The following OR7A17 variants were observed in gnomAD, a reference collection of about 807,000 sequenced individuals.
OR7A17 encodes olfactory receptor 7A17.
For missense variants in OR7A17, 366 were observed against 365.5 expected (o/e 1.00, Z -0.01); for synonymous variants, 159 against 142.1 (o/e 1.12, Z -0.85).
At chr19:14,883,420 A>G (rs1414438991) in intron 1 of OR7A17, among the ~76,000 whole-genome samples, 1 of 152,126 alleles carries the variant, frequency 6.6e-6, no homozygotes, top group Non-Finnish European at 1.5e-5. Flanking sequence ...AGCCTGGGCA[A>G]CAAGAGCGAA....
rs1449786045 is a variant in OR7A17, at chr19:14,878,451, A to C, written c.*1975T>G. On this transcript the variant is annotated 3_prime_UTR_variant, in exon 3 of 3. Coordinates refer to ENST00000641113, the MANE Select transcript of OR7A17 (RefSeq NM_030901.2). Reference sequence around the variant, plus strand: ...TCACTTACCTACATTTTAATGGCTAAGACACAATATTTTAAAAGGAAGATT... The same window carrying C: ...TCACTTACCTACATTTTAATGGCTACGACACAATATTTTAAAAGGAAGATT... 1 of 152,250 alleles carries C rather than the reference A, an allele frequency of 6.6e-6. No individual in the cohort carries two copies. The highest frequency in any genetic ancestry group is 1.5e-5 in the Non-Finnish European group (1 of 68,046). The allele number at this position is 152,250 out of a possible 1,614,324, so 9.4% of individuals were successfully genotyped here. A position where few individuals can be genotyped will look rare whatever the true frequency, so the allele number is the denominator to read the frequency against.
Position 14,880,708 on chromosome 19 carries a change from G to A in OR7A17, c.648C>T (p.Cys216=), listed in dbSNP as rs1486813427. 5 of 1,614,102 alleles carry A rather than the reference G, an allele frequency of 3.1e-6. No homozygotes were observed. In the African/African-American group the frequency reaches 5.3e-5, roughly 17 times the overall value. ...TGGAGGAAACTATCTTAGAGTAAGA[G>A]CAAAGGATCCCCACAAGGGGACCAC... ...LAGGPLVGIL[C]SYSKIVSSIR... is the part of the protein sequence containing the mutation. Residue 216 remains cysteine, a synonymous_variant, in exon 3 of 3, where the codon TGC becomes TGT. Coordinates refer to ENST00000641113, the MANE Select transcript of OR7A17 (RefSeq NM_030901.2).
Position 14,880,209 on chromosome 19 carries a change from C to CAAAAA in OR7A17, c.*212_*216dup, listed in dbSNP as rs3030635. 1.5e-4 allele frequency: 25 copies of CAAAAA among 172,164 alleles called. No homozygotes were observed. The highest frequency in any genetic ancestry group is 4.0e-4 in the East Asian group (3 of 7,412). The allele number at this position is 172,164 out of a possible 1,614,324, so 10.7% of individuals were successfully genotyped here. ...AAACATTGGGAAAGTAGGAAAATGA[C>CAAAAA]AAAAAAAAAAAAAAAAAAAAGATTG... On this transcript the variant is annotated 3_prime_UTR_variant, in exon 3 of 3. Coordinates refer to ENST00000641113, the MANE Select transcript of OR7A17 (RefSeq NM_030901.2).
Position 14,884,267 on chromosome 19 carries a change from C to G in OR7A17, c.-295+1674G>C, listed in dbSNP as rs542277208. On this transcript the variant is annotated intron_variant, in intron 1 of 2. Transcript: ENST00000641113. ...AAATAAAAGTTAAAACTTTTTATGA[C>G]CAAAAATGTTTCCTTAAATATTTCA... 1.5e-4 allele frequency among the ~76,000 whole-genome samples: 23 copies of G among 151,994 alleles called. No individual in the cohort carries two copies. In the East Asian group the frequency reaches 4.4e-3, roughly 29 times the overall value.
chr19:14,884,341 C>T lies in OR7A17; in HGVS notation c.-295+1600G>A, dbSNP rs190207179. 3.4e-4 allele frequency among the ~76,000 whole-genome samples: 52 copies of T among 152,212 alleles called. No individual in the cohort carries two copies. The East Asian group carries it at 8.7e-3, about 25-fold the overall frequency. On this transcript the variant is annotated intron_variant, in intron 1 of 2. Transcript: ENST00000641113. ...TATAATTGGATCACAGCTGTAATCCCAGTGCTTTGGGAGGCTGAGTAGGGA... is the reference window on the plus strand; with the variant it reads ...TATAATTGGATCACAGCTGTAATCCTAGTGCTTTGGGAGGCTGAGTAGGGA...
In OR7A17 at chr19:14,881,174, A is replaced by T; in HGVS notation, c.182T>A (p.Phe61Tyr). 6.2e-7 allele frequency: 1 copy of T among 1,614,042 alleles called. No individual in the cohort carries two copies. Among genetic ancestry groups the T allele is most frequent in the Middle Eastern group, 1.6e-4 (1 of 6,062 alleles). The change falls in exon 3 of 3, where the codon TTC becomes TAC. Residue 61 changes from phenylalanine to tyrosine, a missense_variant. Physicochemically the swap from Phe to Tyr is conservative, Grantham distance 22. Coordinates refer to ENST00000641113, the MANE Select transcript of OR7A17 (RefSeq NM_030901.2). ...TGCAAAGGACAGGTTGGAGAGGAAGAAGTACATGGGGGTGTGGAGGTGGGA... is the reference window on the plus strand; with the variant it reads ...TGCAAAGGACAGGTTGGAGAGGAAGTAGTACATGGGGGTGTGGAGGTGGGA... ...SDSHLHTPMY[F>Y]FLSNLSFADI... is the part of the protein sequence containing the mutation.
intron 1 of OR7A17, among the ~76,000 whole-genome samples, chr19:14,884,207 GA>G (rs1000736671): frequency 2.0e-5 from 3 of 151,658 alleles, no homozygotes; most frequent in Admixed American, 6.6e-5. Context: ...ACTAACGCAA[GA>G]AAAAAAACTA....
In OR7A17 at chr19:14,880,549, G is replaced by A. The variant is rs79629948; in HGVS notation, c.807C>T (p.His269=). 7.0e-4 allele frequency: 1,132 copies of A among 1,614,172 alleles called. 10 individuals carry two copies. In the African/African-American group the frequency reaches 0.013, roughly 19 times the overall value. ...YLTSAATHNS[H]TSATASVMYT... ...ACATCACTGAGGCTGTTGCACTTGT[G>A]TGTGAGTTGTGGGTTGCAGCAGAAG... is the stretch of plus-strand genomic sequence containing the variant. The change falls in exon 3 of 3, where the codon CAC becomes CAT. Residue 269 remains histidine (H), a synonymous_variant. Transcript: ENST00000641113.
chr19:14,881,016 G>C lies in OR7A17; in HGVS notation c.340C>G (p.Leu114Val), dbSNP rs747994242. The part of the protein sequence containing the change: ...FVLFGGLDSL[L>V]LAVMAYDRFV... Reference sequence around the variant, plus strand: ...CGATCATAGGCCATCACAGCCAGGAGTAAGCTGTCTAACCCTCCAAAAAGT... The same window carrying C: ...CGATCATAGGCCATCACAGCCAGGACTAAGCTGTCTAACCCTCCAAAAAGT... Residue 114 changes from leucine (L) to valine (V), a missense_variant, in exon 3 of 3, where the codon CTC (leucine) becomes GTC (valine). By Grantham distance (32) the Leu-to-Val change is conservative. Transcript: ENST00000641113. 9.3e-6 allele frequency: 15 copies of C among 1,614,214 alleles called. No homozygotes were observed. The highest frequency in any genetic ancestry group is 1.2e-5 in the Non-Finnish European group (14 of 1,180,036).
In OR7A17 at chr19:14,879,265, ATT is replaced by A. The variant is rs36028606; in HGVS notation, c.*1159_*1160del. On this transcript the variant is annotated 3_prime_UTR_variant, in exon 3 of 3. Transcript: ENST00000641113. ...ACTTGAAGTGTGAATTTGATAGGCA[ATT>A]TTTTTTTTTTTGAGATGGAGTTTCG... The A allele has an allele frequency of 3.4e-5, 5 of 147,928 alleles. No individual in the cohort carries two copies. The highest frequency in any genetic ancestry group is 6.0e-5 in the Non-Finnish European group (4 of 66,848). 9.2% of individuals were successfully genotyped at this position (147,928 alleles called of 1,614,324 possible). A position where few individuals can be genotyped will look rare whatever the true frequency, so the allele number is the denominator to read the frequency against.
Position 14,880,680 on chromosome 19 carries a change from G to T in OR7A17, c.676C>A (p.Arg226Ser). 1 of 1,614,202 alleles carries T rather than the reference G, an allele frequency of 6.2e-7. No individual in the cohort carries two copies. Reference sequence around the variant, plus strand: ...TTCCCCTGAGCTGATGAGATTGCACGTATGGAGGAAACTATCTTAGAGTAA... The same window carrying T: ...TTCCCCTGAGCTGATGAGATTGCACTTATGGAGGAAACTATCTTAGAGTAA... Reference protein sequence around the residue: ...CSYSKIVSSIRAISSAQGKYK... With the variant: ...CSYSKIVSSISAISSAQGKYK... The change falls in exon 3 of 3, where the codon CGT becomes AGT. Residue 226 changes from arginine to serine, a missense_variant. Arg to Ser is a moderately radical substitution (Grantham distance 110). Coordinates refer to ENST00000641113, the MANE Select transcript of OR7A17 (RefSeq NM_030901.2).
Position 14,881,201 on chromosome 19 carries a change from T to G in OR7A17, c.155A>C (p.Asp52Ala). 6.2e-7 allele frequency: 1 copy of G among 1,613,136 alleles called. No individual in the cohort carries two copies. The highest frequency in any genetic ancestry group is 8.5e-7 in the Non-Finnish European group (1 of 1,179,798). Residue 52 changes from aspartate to alanine, a missense_variant, in exon 3 of 3, where the codon GAC becomes GCC. Coordinates refer to ENST00000641113, the MANE Select transcript of OR7A17 (RefSeq NM_030901.2). ...NLLIILATIS[D>A]SHLHTPMYFF... The stretch of plus-strand genomic sequence containing the variant: ...GTACATGGGGGTGTGGAGGTGGGAG[T>G]CTGAGATTGTGGCCAGGATGATGAG...
Position 14,881,310 on chromosome 19 carries a change from C to T in OR7A17, c.46G>A (p.Gly16Arg). Residue 16 changes from glycine to arginine, a missense_variant, in exon 3 of 3, where the codon GGA becomes AGA. Physicochemically the swap from Gly to Arg is moderately radical, Grantham distance 125 (BLOSUM62 -2). Coordinates refer to ENST00000641113, the MANE Select transcript of OR7A17 (RefSeq NM_030901.2). ...TGCAATTCTGGTTCCTCAGAAAGTC[C>T]CAGAAGAACAAATTCTGAAATCCCT... ...DTGISEFVLL[G>R]LSEEPELQPF... The T allele has an allele frequency of 6.3e-7, 1 of 1,588,756 alleles. No homozygotes were observed. The highest frequency in any genetic ancestry group is 1.2e-5 in the South Asian group (1 of 86,234).
intron 1 of OR7A17, among the ~76,000 whole-genome samples, chr19:14,885,166 T>C (rs2145121992): frequency 6.6e-6 from 1 of 152,256 alleles, no homozygotes; most frequent in South Asian, 2.1e-4. Context: ...CCACAGCCAA[T>C]ATCATACTGA....
At chr19:14,884,113 A>G (rs1158363228) in intron 1 of OR7A17, among the ~76,000 whole-genome samples, 4 of 152,220 alleles carry the variant, frequency 2.6e-5, no homozygotes, top group Admixed American at 2.6e-4. Context: ...AGATTTAAAG[A>G]CCTCAGTGTA....
chr19:14,881,405 T>TTTAC lies in OR7A17; in HGVS notation c.-51_-50insGTAA, dbSNP rs749898761. ...ATTTATTTATTTATTTATTTATTTA[T>TTTAC]TAACATAGACAGGGTCTCTCACTCT... On this transcript the variant is annotated 5_prime_UTR_variant, in exon 3 of 3. It removes the in-frame stop codon of an upstream open reading frame in the 5' UTR. Transcript: ENST00000641113. 1,020 of 1,057,608 alleles carry TTTAC rather than the reference T, an allele frequency of 9.6e-4. 4 individuals are homozygous for TTTAC. Among genetic ancestry groups the TTTAC allele is most frequent in the Non-Finnish European group, 1.1e-3 (909 of 819,834 alleles). 65.5% of individuals were successfully genotyped at this position (1,057,608 alleles called of 1,614,324 possible). A position where few individuals can be genotyped will look rare whatever the true frequency, so the allele number is the denominator to read the frequency against.
chr19:14,881,886 T>C lies in OR7A17; in HGVS notation c.-294-15A>G, dbSNP rs10417426. 0.28 allele frequency: 43,031 copies of C among 152,120 alleles called. 6,733 individuals are homozygous for C. The highest frequency in any genetic ancestry group is 0.61 in the East Asian group (3,174 of 5,168). The allele number at this position is 152,120 out of a possible 1,614,324, so 9.4% of individuals were successfully genotyped here. A position where few individuals can be genotyped will look rare whatever the true frequency, so the allele number is the denominator to read the frequency against. On this transcript the variant is annotated splice_polypyrimidine_tract_variant and intron_variant, in intron 1 of 2. Transcript: ENST00000641113. Reference sequence around the variant, plus strand: ...TATTCACCATGCTGTAAAATAAATATTTTGAAGTTATTCCTTCTATCTAAT... The same window carrying C: ...TATTCACCATGCTGTAAAATAAATACTTTGAAGTTATTCCTTCTATCTAAT...
rs3030635 is a variant in OR7A17, at chr19:14,880,209, CA to C, written c.*216del. On this transcript the variant is annotated 3_prime_UTR_variant, in exon 3 of 3. Transcript: ENST00000641113. Reference sequence around the variant, plus strand: ...AAACATTGGGAAAGTAGGAAAATGACAAAAAAAAAAAAAAAAAAAAGATTGG... The same window carrying C: ...AAACATTGGGAAAGTAGGAAAATGACAAAAAAAAAAAAAAAAAAAGATTGG... The C allele has an allele frequency of 0.12, 19,610 of 170,516 alleles. 703 individuals carry two copies. The highest frequency in any genetic ancestry group is 0.17 in the African/African-American group (5,800 of 34,680). The allele number at this position is 170,516 out of a possible 1,614,324, so 10.6% of individuals were successfully genotyped here. A position where few individuals can be genotyped will look rare whatever the true frequency, so the allele number is the denominator to read the frequency against.
In OR7A17 at chr19:14,878,540, G is replaced by A. The variant is rs562877107; in HGVS notation, c.*1886C>T. 1 of 152,198 alleles carries A rather than the reference G, an allele frequency of 6.6e-6. No homozygotes were observed. The highest frequency in any genetic ancestry group is 1.9e-4 in the East Asian group (1 of 5,198). The allele number at this position is 152,198 out of a possible 1,614,324, so 9.4% of individuals were successfully genotyped here. On this transcript the variant is annotated 3_prime_UTR_variant, in exon 3 of 3. Transcript: ENST00000641113. ...CACTGTAAATTTTTAAGCAGAAACAGTAAAATGATATAATGAAATTACATA... is the reference window on the plus strand; with the variant it reads ...CACTGTAAATTTTTAAGCAGAAACAATAAAATGATATAATGAAATTACATA...
Sources: allele counts gnomAD v4.1 joint callset (sites outside exome capture counted in the v4.1 genomes callset), GRCh38; gene constraint gnomAD v4.1.1; transcripts MANE v1.5; gene names NCBI Gene and HGNC (gene_info 2026-07-23, HGNC 2026-07-21).